FAT3: variants seen among roughly 807,000 people sequenced by gnomAD.
FAT3 encodes the protein FAT atypical cadherin 3, also known as protocadherin Fat 3.
In FAT3, 95 loss-of-function variants were observed where a neutral mutation model predicts 310.2. That is an observed-to-expected ratio of 0.31 (90% CI 0.26 to 0.36). FAT3 has a LOEUF of 0.36. Ranked by LOEUF, FAT3 falls within the 10% of genes least tolerant of loss-of-function variation. The probability of loss-of-function intolerance (pLI) is 1.00; values close to 1 mark genes in which losing one functional copy is unlikely to be tolerated. For synonymous variants in FAT3, 2,314 were observed against 2,192.9 expected, an observed-to-expected ratio of 1.06 and a Z score of -1.54; for missense variants, 5,408 against 5,715.6, an observed-to-expected ratio of 0.95 and a Z score of 1.74.
intron 5 of FAT3, among the ~76,000 whole-genome samples, chr11:92,763,737 T>C (rs565627423): frequency 6.6e-6 from 1 of 152,234 alleles, no homozygotes; most frequent in East Asian, 1.9e-4. Context: ...CACATCCTGG[T>C]TTAACTCCTA....
intron 1 of FAT3, among the ~76,000 whole-genome samples, chr11:92,325,879 C>T (rs1947750376): frequency 6.6e-6 from 1 of 152,210 alleles, no homozygotes; most frequent in South Asian, 2.1e-4. Context: ...ATCTGCCCGC[C>T]TGGGCCTCCC....
chr11:92,798,699 A>G lies in FAT3; in HGVS notation c.5686A>G (p.Thr1896Ala). The G allele has an allele frequency of 6.2e-7, 1 of 1,613,686 alleles. No homozygotes were observed. The highest frequency in any genetic ancestry group is 1.1e-5 in the South Asian group (1 of 91,052). Residue 1896 changes from threonine (T) to alanine (A), a missense_variant, in exon 10 of 28, where the codon ACC (threonine) becomes GCC (alanine). By Grantham distance (58) the Thr-to-Ala change is moderately conservative. Coordinates refer to ENST00000525166, the MANE Select transcript of FAT3 (RefSeq NM_001367949.2). Reference sequence around the variant, plus strand: ...GTTTGAGACTATCTTACTTCTACCTACCTATGTTGGAGTGGAGGTTCTGAA... The same window carrying G: ...GTTTGAGACTATCTTACTTCTACCTGCCTATGTTGGAGTGGAGGTTCTGAA... ...AVFETILLLP[T>A]YVGVEVLKVS...
chr11:92,727,806 T>C (rs1279899740), intron 4 of FAT3, among the ~76,000 whole-genome samples: 1 of 152,230 alleles, frequency 6.6e-6, no homozygotes, highest in African/African-American at 2.4e-5. Flanking sequence ...TCTCACGGCT[T>C]ACCTGCAGGC....
chr11:92,602,946 A>G (rs579686), intron 3 of FAT3, among the ~76,000 whole-genome samples: 85,389 of 152,042 alleles, frequency 0.56, 25,399 homozygotes, highest in African/African-American at 0.76. Flanking sequence ...AGTCATCCTC[A>G]CAGCTTCTAC....
At chr11:92,542,994 G>A (rs1954500708) in intron 3 of FAT3, among the ~76,000 whole-genome samples, 1 of 152,078 alleles carries the variant, frequency 6.6e-6, no homozygotes, top group African/African-American at 2.4e-5. Context: ...CCATTCAGCT[G>A]TAAAAAAGAA....
At chr11:92,742,985 T>C (rs906680359) in intron 4 of FAT3, among the ~76,000 whole-genome samples, 59 of 152,202 alleles carry the variant, frequency 3.9e-4, no homozygotes, top group African/African-American at 1.4e-3. Flanking sequence ...TACTACAGGA[T>C]CTTGTATGTT....
chr11:92,262,954 C>G (rs1053365451), intron 1 of FAT3, among the ~76,000 whole-genome samples: 1 of 151,974 alleles, frequency 6.6e-6, no homozygotes, highest in Non-Finnish European at 1.5e-5. Context: ...TTCTCTTTAG[C>G]CCCGGTTCCC....
At position 92,883,250 on chromosome 11, in the gene FAT3, C is replaced by G. The variant is rs2136416437; in HGVS notation, c.12794C>G (p.Thr4265Arg). 1 of 1,612,954 alleles carries G rather than the reference C, an allele frequency of 6.2e-7. No homozygotes were observed. Residue 4265 changes from threonine (T) to arginine (R), a missense_variant, in exon 24 of 28, where the codon ACG becomes AGG. Thr to Arg is a moderately conservative substitution (Grantham distance 71). This residue lies in a region of FAT3 where 649 missense variants were observed against 666.2 expected (regional missense o/e 0.97). Coordinates refer to ENST00000525166, the MANE Select transcript of FAT3 (RefSeq NM_001367949.2). This position sits in a 1 kb window ranked among gnomAD's most constrained non-coding sequence, Gnocchi z 4.2. ...GGAGGCGAGCACCAGGAAATGACCA[C>G]GTTTCACCCTGAGTCGCCCCGCATC... ...GLGGEHQEMTTFHPESPRILT... is the reference protein window; with the variant it reads ...GLGGEHQEMTRFHPESPRILT...
chr11:92,757,144 G>A (rs969610516), intron 4 of FAT3, among the ~76,000 whole-genome samples: 3 of 151,934 alleles, frequency 2.0e-5, no homozygotes, highest in Non-Finnish European at 2.9e-5. Flanking sequence ...GGCTGGTCTC[G>A]AACTCCCGAC....
At chr11:92,829,637 C>A (rs1948190152) in intron 13 of FAT3, among the ~76,000 whole-genome samples, 1 of 152,084 alleles carries the variant, frequency 6.6e-6, no homozygotes. Context: ...CAGAAAGCAC[C>A]CCTAAATGTC....
At chr11:92,810,991 A>G (rs1356681978) in intron 13 of FAT3, among the ~76,000 whole-genome samples, 3 of 152,224 alleles carry the variant, frequency 2.0e-5, no homozygotes, top group Admixed American at 6.5e-5. Context: ...AAGTAAATAC[A>G]TGATAATTAG....
At chr11:92,531,956 A>G (rs1954090878) in intron 3 of FAT3, among the ~76,000 whole-genome samples, 1 of 152,080 alleles carries the variant, frequency 6.6e-6, no homozygotes, top group African/African-American at 2.4e-5. Flanking sequence ...GACAACCAAA[A>G]TATCACCAGA....
intron 1 of FAT3, among the ~76,000 whole-genome samples, chr11:92,348,678 C>A (rs1407606060): frequency 6.6e-6 from 1 of 152,116 alleles, no homozygotes; most frequent in Non-Finnish European, 1.5e-5. Flanking sequence ...TTGGTATTAG[C>A]TCTGAACCTG....
intron 3 of FAT3, among the ~76,000 whole-genome samples, chr11:92,539,742 A>G (rs1396615086): frequency 1.3e-5 from 2 of 152,222 alleles, no homozygotes; most frequent in South Asian, 2.1e-4. Context: ...GTTATTCCAG[A>G]TAACTGATGT....
intron 18 of FAT3, among the ~76,000 whole-genome samples, 151 bp downstream of exon 18, chr11:92,840,910 A>G (rs946572357): frequency 3.3e-5 from 5 of 152,144 alleles, no homozygotes; most frequent in African/African-American, 9.7e-5. Context: ...ATTCAATTTC[A>G]CACCAGTAAA....
chr11:92,652,124 A>G (rs1005921862), intron 3 of FAT3, among the ~76,000 whole-genome samples: 4 of 152,150 alleles, frequency 2.6e-5, no homozygotes, highest in African/African-American at 7.2e-5. Flanking sequence ...TTATATACAT[A>G]TTGAAACACA....
intron 2 of FAT3, among the ~76,000 whole-genome samples, chr11:92,524,054 G>C (rs899791020): frequency 6.6e-6 from 1 of 152,130 alleles, no homozygotes; most frequent in African/African-American, 2.4e-5. Flanking sequence ...TGGAATAGCT[G>C]TGACATTTCA....
intron 3 of FAT3, among the ~76,000 whole-genome samples, chr11:92,641,246 A>C (rs182843688): frequency 3.9e-5 from 6 of 152,158 alleles, no homozygotes; most frequent in Admixed American, 3.3e-4. Context: ...CTCTCAATAT[A>C]TCTCTCTCTC....
At chr11:92,602,478 C>T (rs1388845816) in intron 3 of FAT3, among the ~76,000 whole-genome samples, 2 of 152,156 alleles carry the variant, frequency 1.3e-5, no homozygotes, top group Non-Finnish European at 2.9e-5. Context: ...GGCCGGTTAG[C>T]CTGTTCAAGA....
Sources: gnomAD v4.1 joint callset for allele counts (sites outside exome capture counted in the v4.1 genomes callset) on GRCh38, gnomAD v4.1.1 for gene constraint, gnomAD v4.1.1 regional missense constraint, Gnocchi (gnomAD v3.1) non-coding constraint, MANE v1.5 for transcripts, NCBI Gene and HGNC (gene_info 2026-07-23, HGNC 2026-07-21) for gene names.